The following AKAIN1 variants were observed in gnomAD, a reference collection of about 807,000 sequenced individuals.
AKAIN1 encodes the protein A-kinase anchor protein inhibitor 1.
In AKAIN1, 3 loss-of-function variants were observed where a neutral mutation model predicts 3.7. That is an observed-to-expected ratio of 0.82 (90% CI 0.37 to 2.12). The LOEUF is 2.12. Among genes scored for constraint, AKAIN1 ranks in the 30% most tolerant of loss-of-function variants. The probability of loss-of-function intolerance (pLI) is 0.06; values close to 1 mark genes in which losing one functional copy is unlikely to be tolerated. For synonymous variants in AKAIN1, 31 were observed against 30.8 expected (o/e 1.01, Z -0.02); for missense variants, 82 against 82.7 (o/e 0.99, Z 0.03).
At chr18:5,162,253 T>C (rs1413851629) in intron 1 of AKAIN1, among the ~76,000 whole-genome samples, 1 of 152,104 alleles carries the variant, frequency 6.6e-6, no homozygotes, top group Non-Finnish European at 1.5e-5. Context: ...GATCTCACTC[T>C]TCTGGTCCCC....
At chr18:5,159,172 G>A (rs2071125040) in intron 1 of AKAIN1, among the ~76,000 whole-genome samples, 2 of 146,578 alleles carry the variant, frequency 1.4e-5, no homozygotes, top group Admixed American at 6.8e-5. Context: ...GATGTTTTAC[G>A]TCTTTTTTTT....
At chr18:5,187,452 A>C (rs1368843279) in intron 1 of AKAIN1, among the ~76,000 whole-genome samples, 1 of 152,172 alleles carries the variant, frequency 6.6e-6, no homozygotes, top group African/African-American at 2.4e-5. Context: ...GGAAGTCCAA[A>C]ATCATGGCAC....
intron 1 of AKAIN1, among the ~76,000 whole-genome samples, chr18:5,189,382 A>T (rs12457390): frequency 1.3e-5 from 2 of 151,966 alleles, no homozygotes; most frequent in African/African-American, 2.4e-5. Context: ...TAACAAACAC[A>T]CTTTTTCACT....
chr18:5,169,055 G>C (rs1246186575), intron 1 of AKAIN1, among the ~76,000 whole-genome samples: 4 of 151,932 alleles, frequency 2.6e-5, no homozygotes, highest in Non-Finnish European at 5.9e-5. Context: ...TGCAGGGCGG[G>C]CTGGCAATCT....
intron 1 of AKAIN1, among the ~76,000 whole-genome samples, chr18:5,181,796 A>T (rs570078780): frequency 6.6e-6 from 1 of 152,248 alleles, no homozygotes; most frequent in East Asian, 1.9e-4. Context: ...AAGACCAAAG[A>T]TAATGATCAA....
intron 1 of AKAIN1, among the ~76,000 whole-genome samples, chr18:5,165,382 G>A (rs1908158987): frequency 1.3e-5 from 2 of 151,950 alleles, no homozygotes; most frequent in South Asian, 4.1e-4. Flanking sequence ...TGAGTAAGGT[G>A]TAAGAAAGAA....
rs7240634 is a variant in AKAIN1 at position 5,144,698 on chromosome 18, T to C, written c.*864A>G. 0.23 allele frequency among the ~76,000 whole-genome samples: 34,706 copies of C among 152,120 alleles called. 4,825 individuals carry two copies. The highest frequency in any genetic ancestry group is 0.39 in the African/African-American group (16,375 of 41,488). On this transcript the variant is annotated 3_prime_UTR_variant, in exon 2 of 2. Transcript: ENST00000434239. ...ATTCGTTAAGGACCCCAGAATCCCT[T>C]CCAAGGATGTTGCACCCCATAATCA...
chr18:5,178,831 G>A (rs2071240826), intron 1 of AKAIN1, among the ~76,000 whole-genome samples: 1 of 152,086 alleles, frequency 6.6e-6, no homozygotes, highest in South Asian at 2.1e-4. Context: ...GGTGCACCCA[G>A]CACTGATAAT....
chr18:5,166,801 A>T (rs1330198439), intron 1 of AKAIN1, among the ~76,000 whole-genome samples: 1 of 152,078 alleles, frequency 6.6e-6, no homozygotes, highest in African/African-American at 2.4e-5. Flanking sequence ...ATAACTCCAA[A>T]CCAGAGTTCA....
At position 5,175,435 on chromosome 18, in the gene AKAIN1, C is replaced by T. The variant is rs572567073; in HGVS notation, c.16+21603G>A. On this transcript the variant is annotated intron_variant, in intron 1 of 1. Coordinates refer to ENST00000434239, the MANE Select transcript of AKAIN1 (RefSeq NM_001145194.2). ...AGGAAACATAAACAACGAAGGGACC[C>T]TATCATGTTCTTTCTTGCTCTTGTT... 5.3e-5 allele frequency among the ~76,000 whole-genome samples: 8 copies of T among 152,272 alleles called. No homozygotes were observed. The South Asian group carries it at 1.7e-3, about 32-fold the overall frequency.
rs2071190430 is a variant in AKAIN1 at position 5,170,339 on chromosome 18, CTCTATGTT to C, written c.17-24592_17-24585del. 2.0e-5 allele frequency among the ~76,000 whole-genome samples: 3 copies of C among 152,234 alleles called. No homozygotes were observed. In the South Asian group the frequency reaches 6.2e-4, roughly 32 times the overall value. Reference sequence around the variant, plus strand: ...AGAGGTCTATTTATGTGATTGCTAACTCTATGTTTCCATTTTCCATAATGTGACCTGTA... The same window carrying C: ...AGAGGTCTATTTATGTGATTGCTAACTCCATTTTCCATAATGTGACCTGTA... On this transcript the variant is annotated intron_variant, in intron 1 of 1. Coordinates refer to ENST00000434239, the MANE Select transcript of AKAIN1 (RefSeq NM_001145194.2).
intron 1 of AKAIN1, among the ~76,000 whole-genome samples, chr18:5,150,665 T>G (rs2071075264): frequency 6.6e-6 from 1 of 152,156 alleles, no homozygotes; most frequent in South Asian, 2.1e-4. Context: ...GGATCCGGCC[T>G]TCCACAGACC....
chr18:5,189,653 T>TTTC (rs1372542178), intron 1 of AKAIN1, among the ~76,000 whole-genome samples: 2 of 152,146 alleles, frequency 1.3e-5, no homozygotes, highest in East Asian at 3.9e-4. Flanking sequence ...TGTTCTTCAT[T>TTTC]TTCATCTGAG....
chr18:5,169,189 C>T (rs949650416), intron 1 of AKAIN1, among the ~76,000 whole-genome samples: 2 of 152,008 alleles, frequency 1.3e-5, no homozygotes, highest in Non-Finnish European at 2.9e-5. Context: ...TGGGAAACCT[C>T]GGTCTTTGCT....
chr18:5,187,372 A>T (rs1307639939), intron 1 of AKAIN1, among the ~76,000 whole-genome samples: 2 of 152,190 alleles, frequency 1.3e-5, no homozygotes, highest in African/African-American at 4.8e-5. Flanking sequence ...CTGCTGGTAT[A>T]ACATAATACC....
chr18:5,180,046 T>G (rs1423733628), intron 1 of AKAIN1, among the ~76,000 whole-genome samples: 1 of 152,012 alleles, frequency 6.6e-6, no homozygotes, highest in Non-Finnish European at 1.5e-5. Context: ...CCACCCCCAC[T>G]GCATGCTTCC....
At chr18:5,181,081 A>T (rs1316059453) in intron 1 of AKAIN1, among the ~76,000 whole-genome samples, 1 of 151,890 alleles carries the variant, frequency 6.6e-6, no homozygotes, top group Non-Finnish European at 1.5e-5. Flanking sequence ...TGAGCCTAGG[A>T]GTTCAAGATC....
chr18:5,153,263 A>G (rs139802742), intron 1 of AKAIN1, among the ~76,000 whole-genome samples: 10 of 151,896 alleles, frequency 6.6e-5, no homozygotes, highest in African/African-American at 2.2e-4. Context: ...GGAAAAGACA[A>G]TTTTACTCTA....
At chr18:5,178,216 G>A (rs1042072811) in intron 1 of AKAIN1, among the ~76,000 whole-genome samples, 1 of 152,078 alleles carries the variant, frequency 6.6e-6, no homozygotes, top group Non-Finnish European at 1.5e-5. Flanking sequence ...GCATGGTTTT[G>A]TGCATGCTAT....
Sources: allele counts gnomAD v4.1 joint callset (sites outside exome capture counted in the v4.1 genomes callset), GRCh38; gene constraint gnomAD v4.1.1; transcripts MANE v1.5; gene names NCBI Gene and HGNC (gene_info 2026-07-23, HGNC 2026-07-21).